Variants in MB observed in about 807,000 individuals in gnomAD.
MB encodes myoglobin.
A neutral mutation model predicts 14.5 loss-of-function variants in MB; 10 were observed. That is an observed-to-expected ratio of 0.69 (90% CI 0.43 to 1.17). The LOEUF is 1.17. Ranked by LOEUF, MB falls within the 50% of genes most tolerant of loss-of-function variation. MB has a pLI of 0.00. For synonymous variants in MB, 89 were observed against 78.6 expected (o/e 1.13, Z -0.70); for missense variants, 169 against 192.7 (o/e 0.88, Z 0.73).
Position 35,608,955 on chromosome 22 carries a change from C to T in MB, c.319-1512G>A, listed in dbSNP as rs193250288. Among the ~76,000 whole-genome samples the T allele has an allele frequency of 1.3e-5, 2 of 152,268 alleles. No individual in the cohort carries two copies. The highest frequency in any genetic ancestry group is 1.3e-4 in the Admixed American group (2 of 15,296). ...TGAACAGCGCAGAGCGAAGGTCCACCGTGAGGGGGAAAAGCAGACATCTGG... is the reference window on the plus strand; with the variant it reads ...TGAACAGCGCAGAGCGAAGGTCCACTGTGAGGGGGAAAAGCAGACATCTGG... On this transcript the variant is annotated intron_variant, in intron 2 of 2. Transcript: ENST00000397326. The surrounding 1 kb of genome is among the most constrained non-coding windows in gnomAD (Gnocchi z 4.3).
At chr22:35,617,547 T>C (rs1601847121), upstream of MB, 1 of 381,450 alleles carries the variant, frequency 2.6e-6, no homozygotes, top group Admixed American at 4.4e-5. Flanking sequence ...GGGGGTGGGG[T>C]GGTTGTGCGT....
chr22:35,616,674 T>G (rs5755798), intron 1 of MB, among the ~76,000 whole-genome samples: 1 of 151,980 alleles, frequency 6.6e-6, no homozygotes, highest in Non-Finnish European at 1.5e-5. Flanking sequence ...GGTTGAGTAC[T>G]TTCCCAAAGG....
chr22:35,607,486 C>T, intron 2 of MB, 43 bp from the exon 3 acceptor site: 3 of 1,599,294 alleles, frequency 1.9e-6, no homozygotes, highest in African/African-American at 1.3e-5. Context: ...CAGGGTGGGA[C>T]AAGCCAGGGG....
At chr22:35,609,893 A>G (rs1922467382) in intron 2 of MB, among the ~76,000 whole-genome samples, 1 of 151,816 alleles carries the variant, frequency 6.6e-6, no homozygotes, top group African/African-American at 2.4e-5. Flanking sequence ...GATTTCTGGG[A>G]CTCCTTAAAC....
At chr22:35,614,071 T>G (rs1270325540) in intron 1 of MB, among the ~76,000 whole-genome samples, 1 of 152,194 alleles carries the variant, frequency 6.6e-6, no homozygotes, top group African/African-American at 2.4e-5. Context: ...CTGCTGTCAG[T>G]GGGCCTGGTT....
intron 1 of MB, 64 bp from the exon 2 acceptor site, chr22:35,611,170 G>T: frequency 8.4e-7 from 1 of 1,192,784 alleles, no homozygotes; most frequent in Non-Finnish European, 1.2e-6. Context: ...GGGGCAGCCA[G>T]ACTAGAGTTC....
intron 2 of MB, among the ~76,000 whole-genome samples, chr22:35,609,496 G>A (rs1922416565): frequency 6.6e-6 from 1 of 152,206 alleles, no homozygotes; most frequent in Non-Finnish European, 1.5e-5. Flanking sequence ...GCGCAATTGT[G>A]GGGTGGGGTG....
upstream of MB, among the ~76,000 whole-genome samples, chr22:35,620,372 T>C (rs1020222063): frequency 3.3e-5 from 5 of 152,198 alleles, no homozygotes; most frequent in Admixed American, 6.5e-5. Flanking sequence ...GGGATCTCAT[T>C]CATTCATTCA....
chr22:35,610,403 A>G (rs980738553), intron 2 of MB, among the ~76,000 whole-genome samples: 15 of 152,172 alleles, frequency 9.9e-5, no homozygotes, highest in African/African-American at 3.1e-4. Flanking sequence ...CTCCTGCCAC[A>G]TAAGTCCTGC....
Position 35,617,200 on chromosome 22 carries a change from C to T in MB, c.58G>A (p.Ala20Thr). The change falls in exon 1 of 3, where the codon GCT becomes ACT. Residue 20 changes from alanine to threonine, a missense_variant. Ala to Thr is a moderately conservative substitution (Grantham distance 58). Transcript: ENST00000397326. The stretch of plus-strand genomic sequence containing the variant: ...TCCTGCCCATGGCCTGGGATGTCAG[C>T]CTCCACCTTCCCCCAGACGTTCAGC... ...LVLNVWGKVEADIPGHGQEVL... is the reference protein window; with the variant it reads ...LVLNVWGKVETDIPGHGQEVL... The T allele has an allele frequency of 1.2e-6, 2 of 1,614,110 alleles. No homozygotes were observed. Among genetic ancestry groups the T allele is most frequent in the Admixed American group, 1.7e-5 (1 of 60,008 alleles).
In MB at chr22:35,608,938, G is replaced by A. The variant is rs574070057; in HGVS notation, c.319-1495C>T. Among the ~76,000 whole-genome samples, 65 of 152,290 alleles carry A rather than the reference G, an allele frequency of 4.3e-4. No homozygotes were observed. Among genetic ancestry groups the A allele is most frequent in the Non-Finnish European group, 8.1e-4 (55 of 68,016 alleles). ...AGGTGGAGACTGTCTTATGAACAGCGCAGAGCGAAGGTCCACCGTGAGGGG... is the reference window on the plus strand; with the variant it reads ...AGGTGGAGACTGTCTTATGAACAGCACAGAGCGAAGGTCCACCGTGAGGGG... On this transcript the variant is annotated intron_variant, in intron 2 of 2. Coordinates refer to ENST00000397326, the MANE Select transcript of MB (RefSeq NM_005368.3). The surrounding 1 kb of genome is among the most constrained non-coding windows in gnomAD (Gnocchi z 4.3).
chr22:35,616,247 G>A (rs570188472), intron 1 of MB, among the ~76,000 whole-genome samples: 51 of 152,322 alleles, frequency 3.3e-4, no homozygotes, highest in African/African-American at 1.2e-3. Flanking sequence ...AGAGAAGAGT[G>A]TATCACCTTT....
At chr22:35,619,780 G>T (rs1923346117), upstream of MB, among the ~76,000 whole-genome samples, 2 of 152,132 alleles carry the variant, frequency 1.3e-5, no homozygotes, top group South Asian at 4.1e-4. Flanking sequence ...CTCTGTGTGG[G>T]TCTCTAAAGC....
chr22:35,618,386 G>A (rs1297166646), upstream of MB, among the ~76,000 whole-genome samples: 2 of 152,164 alleles, frequency 1.3e-5, no homozygotes, highest in Non-Finnish European at 2.9e-5. Flanking sequence ...TGGGTGGATG[G>A]TTTTGCAAAG....
intron 1 of MB, among the ~76,000 whole-genome samples, chr22:35,612,873 T>C (rs1361142342): frequency 1.3e-5 from 2 of 152,174 alleles, no homozygotes; most frequent in African/African-American, 4.8e-5. Flanking sequence ...CATATGGGCC[T>C]GCACACTCAC....
rs766688256 is a variant in MB at position 35,617,231 on chromosome 22, C to T, written c.27G>A (p.Gln9=). 3 of 1,614,166 alleles carry T rather than the reference C, an allele frequency of 1.9e-6. No individual in the cohort carries two copies. Among genetic ancestry groups the T allele is most frequent in the South Asian group, 1.1e-5 (1 of 91,078 alleles). MGLSDGEW[Q]LVLNVWGKVE... ...CCTTCCCCCAGACGTTCAGCACCAA[C>T]TGCCATTCCCCGTCGCTGAGCCCCA... The change falls in exon 1 of 3, where the codon CAG becomes CAA. Residue 9 remains glutamine (Q), a synonymous_variant. Coordinates refer to ENST00000397326, the MANE Select transcript of MB (RefSeq NM_005368.3).
chr22:35,611,981 C>T (rs1030320341), intron 1 of MB, among the ~76,000 whole-genome samples: 10 of 152,100 alleles, frequency 6.6e-5, no homozygotes, highest in African/African-American at 1.7e-4. Flanking sequence ...AGTGAGTTTC[C>T]GCCTTTTACT....
At position 35,610,961 on chromosome 22, in the gene MB, C is replaced by A. The variant is rs1569119430; in HGVS notation, c.241G>T (p.Gly81Trp). Residue 81 changes from glycine to tryptophan, a missense_variant, in exon 2 of 3, where the codon GGG (glycine) becomes TGG (tryptophan). Transcript: ENST00000397326. Reference sequence around the variant, plus strand: ...GGCTTAATCTCTGCCTCATGATGCCCCTTCTTCTTAAGGATGCCACCCAGG... The same window carrying A: ...GGCTTAATCTCTGCCTCATGATGCCACTTCTTCTTAAGGATGCCACCCAGG... ...TALGGILKKK[G>W]HHEAEIKPLA... The A allele has an allele frequency of 6.2e-7, 1 of 1,614,192 alleles. No individual in the cohort carries two copies. Among genetic ancestry groups the A allele is most frequent in the Non-Finnish European group, 8.5e-7 (1 of 1,180,030 alleles).
chr22:35,613,144 G>T (rs895321195), intron 1 of MB, among the ~76,000 whole-genome samples: 1 of 152,188 alleles, frequency 6.6e-6, no homozygotes, highest in Non-Finnish European at 1.5e-5. Flanking sequence ...TTGAACTCCC[G>T]CCTGACAGAT....
Sources: allele counts gnomAD v4.1 joint callset (sites outside exome capture counted in the v4.1 genomes callset), GRCh38; gene constraint gnomAD v4.1.1; non-coding constraint Gnocchi (gnomAD v3.1); transcripts MANE v1.5; gene names NCBI Gene and HGNC (gene_info 2026-07-23, HGNC 2026-07-21).